Variants in AGAP1 observed in about 807,000 individuals in gnomAD.
AGAP1 encodes the protein ArfGAP with GTPase domain, ankyrin repeat and PH domain 1, also known as arf-GAP with GTPase, ANK repeat and PH domain-containing protein 1.
Under a neutral mutation model 105.3 loss-of-function variants are expected in AGAP1, and 29 were observed. The observed-to-expected ratio is 0.28, with a 90% confidence interval of 0.21 to 0.38. The LOEUF (loss-of-function observed/expected upper bound fraction) is 0.38, where lower values mean the gene tolerates loss of function less well. Among genes scored for constraint, AGAP1 ranks in the 10% least tolerant of loss-of-function variants. The pLI, the probability that AGAP1 is intolerant of heterozygous loss-of-function variation, is 1.00. For synonymous variants in AGAP1, 509 were observed against 485.9 expected, an observed-to-expected ratio of 1.05 and a Z score of -0.63; for missense variants, 998 against 1,165.1, an observed-to-expected ratio of 0.86 and a Z score of 2.09.
rs1322235460 is a variant in AGAP1, at chr2:235,977,008, C to T, written c.1645+8385C>T. 6.6e-6 allele frequency among the ~76,000 whole-genome samples: 1 copy of T among 152,208 alleles called. No homozygotes were observed. The highest frequency in any genetic ancestry group is 2.4e-5 in the African/African-American group (1 of 41,450). Reference sequence around the variant, plus strand: ...ACTCACCTTTGAAAAATGCTGACTACTCACAAGGTCCCTTTCTAAGATACA... The same window carrying T: ...ACTCACCTTTGAAAAATGCTGACTATTCACAAGGTCCCTTTCTAAGATACA... On this transcript the variant is annotated intron_variant, in intron 13 of 17. Transcript: ENST00000304032. The surrounding 1 kb of genome is among the most constrained non-coding windows in gnomAD (Gnocchi z 5.2).
At chr2:235,990,874 A>G (rs910456046) in intron 13 of AGAP1, among the ~76,000 whole-genome samples, 4 of 152,242 alleles carry the variant, frequency 2.6e-5, no homozygotes, top group South Asian at 2.1e-4. Flanking sequence ...GATCAACACA[A>G]TGGAACAAGA....
rs917382762 is a variant in AGAP1, at chr2:235,662,937, C to CTAGTT, written c.164-46240_164-46239insGTTTA. On this transcript the variant is annotated intron_variant, in intron 1 of 17. Coordinates refer to ENST00000304032, the MANE Select transcript of AGAP1 (RefSeq NM_001037131.3). This position sits in a 1 kb window ranked among gnomAD's most constrained non-coding sequence, Gnocchi z 4.2. ...TTTCTTAAGAGCTCTGATGCATGTTCTAACTAGGAGGGCAGGTAGCTGCCG... is the reference window on the plus strand; with the variant it reads ...TTTCTTAAGAGCTCTGATGCATGTTCTAGTTTAACTAGGAGGGCAGGTAGCTGCCG... Among the ~76,000 whole-genome samples the CTAGTT allele has an allele frequency of 1.3e-5, 2 of 152,198 alleles. No homozygotes were observed. The highest frequency in any genetic ancestry group is 4.8e-5 in the African/African-American group (2 of 41,452).
Position 235,750,588 on chromosome 2 carries a change from A to G in AGAP1, c.673+100A>G, listed in dbSNP as rs1575324489. 1.5e-5 allele frequency: 23 copies of G among 1,558,622 alleles called. No homozygotes were observed. In the East Asian group the frequency reaches 5.0e-4, roughly 34 times the overall value. Reference sequence around the variant, plus strand: ...GCACTTGTGCATGTGGGTGGTGGAAATATGTCGTTGATGGGTGGGCATTAG... The same window carrying G: ...GCACTTGTGCATGTGGGTGGTGGAAGTATGTCGTTGATGGGTGGGCATTAG... On this transcript the variant is annotated intron_variant, in intron 6 of 17. Transcript: ENST00000304032. The surrounding 1 kb of genome is among the most constrained non-coding windows in gnomAD (Gnocchi z 5.3).
Position 235,882,410 on chromosome 2 carries a change from G to A in AGAP1, c.1051-935G>A. 1 of 1,582,466 alleles carries A rather than the reference G, an allele frequency of 6.3e-7. No homozygotes were observed. The highest frequency in any genetic ancestry group is 1.1e-5 in the South Asian group (1 of 89,648). On this transcript the variant is annotated intron_variant, in intron 9 of 17. Transcript: ENST00000304032. The surrounding 1 kb of genome is among the most constrained non-coding windows in gnomAD (Gnocchi z 4.6). The stretch of plus-strand genomic sequence containing the variant: ...GCCCAGTGGTCTCTTTGGTCGGCAG[G>A]GTGTTCTTCTCCTGCGTCTCCGTTT...
At position 235,951,394 on chromosome 2, in the gene AGAP1, G is replaced by A. The variant is rs533140421; in HGVS notation, c.1484-17068G>A. 1.2e-4 allele frequency among the ~76,000 whole-genome samples: 19 copies of A among 152,338 alleles called. No homozygotes were observed. The East Asian group carries it at 3.5e-3, about 28-fold the overall frequency. On this transcript the variant is annotated intron_variant, in intron 12 of 17. Transcript: ENST00000304032. The surrounding 1 kb of genome is among the most constrained non-coding windows in gnomAD (Gnocchi z 4.2). ...ATTATGGACAATGCTGTCAGTCATC[G>A]TGAGACAGAGTAGCATGGAACTGAA...
chr2:235,667,258 T>C (rs1028466759), intron 1 of AGAP1, among the ~76,000 whole-genome samples: 11 of 152,162 alleles, frequency 7.2e-5, no homozygotes, highest in Admixed American at 7.2e-4. Context: ...TGTGTAGCAT[T>C]GCAGTAGGTA....
rs1018872527 is a variant in AGAP1, at chr2:235,889,485, T to C, written c.1155+6036T>C. Among the ~76,000 whole-genome samples, 11 of 151,780 alleles carry C rather than the reference T, an allele frequency of 7.2e-5. No individual in the cohort carries two copies. Among genetic ancestry groups the C allele is most frequent in the African/African-American group, 2.7e-4 (11 of 41,288 alleles). On this transcript the variant is annotated intron_variant, in intron 10 of 17. Transcript: ENST00000304032. The surrounding 1 kb of genome is among the most constrained non-coding windows in gnomAD (Gnocchi z 4.6). ...GGTGGCCCTGGGATGTCACTTTCCTTCCCACTTAATTGCTTTGGATTTCTC... is the reference window on the plus strand; with the variant it reads ...GGTGGCCCTGGGATGTCACTTTCCTCCCCACTTAATTGCTTTGGATTTCTC...
chr2:235,969,582 C>A (rs1425711166), intron 13 of AGAP1, among the ~76,000 whole-genome samples: 1 of 152,096 alleles, frequency 6.6e-6, no homozygotes, highest in Non-Finnish European at 1.5e-5. Context: ...TTTCCAGATA[C>A]TCTACTTGAT....
chr2:235,775,006 G>T (rs1955752558), intron 6 of AGAP1, among the ~76,000 whole-genome samples: 1 of 152,138 alleles, frequency 6.6e-6, no homozygotes, highest in Non-Finnish European at 1.5e-5. Context: ...TTATGGAAGA[G>T]ATTCCCCTGT....
At chr2:236,072,846 C>T (rs775741615) in intron 16 of AGAP1, among the ~76,000 whole-genome samples, 12 of 152,100 alleles carry the variant, frequency 7.9e-5, no homozygotes, top group Non-Finnish European at 1.5e-4. Flanking sequence ...TACCAGGAGC[C>T]ATATGTGTTG....
intron 1 of AGAP1, among the ~76,000 whole-genome samples, chr2:235,528,856 T>C (rs1942946069): frequency 7.7e-6 from 1 of 130,136 alleles, no homozygotes; most frequent in Non-Finnish European, 1.6e-5. Context: ...CTTGTATTTT[T>C]AGTACAGATG....
chr2:235,949,513 A>G (rs756007131), intron 12 of AGAP1, among the ~76,000 whole-genome samples: 3 of 152,070 alleles, frequency 2.0e-5, no homozygotes, highest in Non-Finnish European at 4.4e-5. Context: ...TCATCATCTT[A>G]GTCTCTTTCT....
intron 1 of AGAP1, among the ~76,000 whole-genome samples, chr2:235,589,710 G>GAT (rs1559271273): frequency 2.6e-4 from 39 of 152,122 alleles, no homozygotes; most frequent in African/African-American, 8.2e-4. Context: ...GATAGATAGA[G>GAT]ATATAGAATG....
At chr2:235,589,449 C>T (rs1306004291) in intron 1 of AGAP1, among the ~76,000 whole-genome samples, 1 of 151,820 alleles carries the variant, frequency 6.6e-6, no homozygotes. Flanking sequence ...TCAGGTGATC[C>T]GCCCACCTTG....
Position 236,120,321 on chromosome 2 carries a change from C to T in AGAP1, c.2244C>T (p.Ala748=), listed in dbSNP as rs1316623501. ...CCGCCGACGAGGACCTGCGGACGGCCATCCTGCTGCTGGCACACGGCTCCC... is the reference window on the plus strand; with the variant it reads ...CCGCCGACGAGGACCTGCGGACGGCTATCCTGCTGCTGGCACACGGCTCCC... The part of the protein sequence containing the change: ...RATADEDLRT[A]ILLLAHGSRD... Residue 748 remains alanine, a synonymous_variant, in exon 17 of 18, where the codon GCC becomes GCT. Coordinates refer to ENST00000304032, the MANE Select transcript of AGAP1 (RefSeq NM_001037131.3). The surrounding 1 kb of genome is among the most constrained non-coding windows in gnomAD (Gnocchi z 6.0). 6.2e-7 allele frequency: 1 copy of T among 1,612,478 alleles called. No individual in the cohort carries two copies.
rs183409462 is a variant in AGAP1, at chr2:235,751,969, G to A, written c.673+1481G>A. Among the ~76,000 whole-genome samples, 314 of 152,314 alleles carry A rather than the reference G, an allele frequency of 2.1e-3. 2 individuals carry two copies. In the South Asian group the frequency reaches 0.03, roughly 15 times the overall value. The stretch of plus-strand genomic sequence containing the variant: ...TGGGGAGTAAACCTCATTTCAAGCC[G>A]TGCTGGTGAACATGAGTGAGATGTT... On this transcript the variant is annotated intron_variant, in intron 6 of 17. Transcript: ENST00000304032. This position sits in a 1 kb window ranked among gnomAD's most constrained non-coding sequence, Gnocchi z 5.3.
intron 1 of AGAP1, among the ~76,000 whole-genome samples, chr2:235,568,731 C>G (rs1430074316): frequency 6.6e-6 from 1 of 152,240 alleles, no homozygotes; most frequent in Non-Finnish European, 1.5e-5. Flanking sequence ...AATGCATCCA[C>G]AAAGCTGTGT....
intron 6 of AGAP1, among the ~76,000 whole-genome samples, chr2:235,780,966 ATTCTC>A (rs535589729): frequency 7.9e-5 from 12 of 152,182 alleles, no homozygotes; most frequent in Non-Finnish European, 1.8e-4. Flanking sequence ...TAAGAATAAA[ATTCTC>A]TGCAGCCACT....
chr2:235,590,403 C>CAG (rs1945285676), intron 1 of AGAP1, among the ~76,000 whole-genome samples: 1 of 152,106 alleles, frequency 6.6e-6, no homozygotes, highest in Non-Finnish European at 1.5e-5. Flanking sequence ...CCGGTGTCTG[C>CAG]ACCTCCTAGG....
Sources: gnomAD v4.1 joint callset for allele counts (sites outside exome capture counted in the v4.1 genomes callset) on GRCh38, gnomAD v4.1.1 for gene constraint, Gnocchi (gnomAD v3.1) non-coding constraint, MANE v1.5 for transcripts, NCBI Gene and HGNC (gene_info 2026-07-23, HGNC 2026-07-21) for gene names.